Variants in STK31 observed in about 807,000 individuals in gnomAD.
The protein encoded by STK31 is serine/threonine-protein kinase 31.
Under a neutral mutation model 129.7 loss-of-function variants are expected in STK31, and 89 were observed. The ratio of observed to expected loss-of-function variants is 0.69; its 90% CI spans 0.58 to 0.82. The LOEUF is 0.82. STK31 is among the 40% of genes least tolerant of loss of function. The probability of loss-of-function intolerance (pLI) is 0.00; values close to 1 mark genes in which losing one functional copy is unlikely to be tolerated. For missense variants in STK31, 1,187 were observed against 1,176.4 expected (o/e 1.01, Z -0.13); for synonymous variants, 448 against 395.3 (o/e 1.13, Z -1.58).
In STK31 at chr7:23,787,913, G is replaced by C. The variant is rs985406374; in HGVS notation, c.2488-67G>C. 8.5e-6 allele frequency: 12 copies of C among 1,411,232 alleles called. No individual in the cohort carries two copies. In the African/African-American group the frequency reaches 1.7e-4, roughly 21 times the overall value. 87.4% of individuals were successfully genotyped at this position (1,411,232 alleles called of 1,614,324 possible). On this transcript the variant is annotated intron_variant, in intron 20 of 23. Coordinates refer to ENST00000355870, the MANE Select transcript of STK31 (RefSeq NM_031414.5). ...CACTTCTAGAGCAGTCTTTTAATTA[G>C]AGAACAGTTTCAAGATTAAAATGAT...
chr7:23,807,220 A>G (rs1446825920), intron 22 of STK31, among the ~76,000 whole-genome samples: 1 of 151,898 alleles, frequency 6.6e-6, no homozygotes, highest in Non-Finnish European at 1.5e-5. Flanking sequence ...TCTTTTGGCC[A>G]TTCTTTCAAG....
chr7:23,736,831 G>C (rs1787746786), intron 7 of STK31, 73 bp from the exon 8 acceptor site: 2 of 1,282,592 alleles, frequency 1.6e-6, no homozygotes, highest in Non-Finnish European at 2.1e-6. Context: ...AAAGGACCAA[G>C]ATAACTTAGA....
At chr7:23,780,835 A>G (rs1241389322) in intron 15 of STK31, among the ~76,000 whole-genome samples, 1 of 152,144 alleles carries the variant, frequency 6.6e-6, no homozygotes, top group African/African-American at 2.4e-5. Flanking sequence ...CAGGGTTTTT[A>G]TGGTTGTAGC....
Position 23,752,845 on chromosome 7 carries a change from A to G in STK31, c.1133+13A>G, listed in dbSNP as rs776632997. On this transcript the variant is annotated intron_variant, in intron 9 of 23. Transcript: ENST00000355870. Reference sequence around the variant, plus strand: ...TGAAAGAAATGAGGTAGGTAAAAGCATATTTTTCAGAAGGATATTTTAAAC... The same window carrying G: ...TGAAAGAAATGAGGTAGGTAAAAGCGTATTTTTCAGAAGGATATTTTAAAC... 4 of 1,521,172 alleles carry G rather than the reference A, an allele frequency of 2.6e-6. No homozygotes were observed. The highest frequency in any genetic ancestry group is 3.6e-6 in the Non-Finnish European group (4 of 1,102,908). 94.2% of individuals were successfully genotyped at this position (1,521,172 alleles called of 1,614,324 possible). A position where few individuals can be genotyped will look rare whatever the true frequency, so the allele number is the denominator to read the frequency against.
rs540820711 is a variant in STK31 at position 23,798,439 on chromosome 7, G to T, written c.2760+7493G>T. Reference sequence around the variant, plus strand: ...GCTTCATCCCTGGGATGCAAGGCTGGTTCAACATATGCAAATCAGTAAACA... The same window carrying T: ...GCTTCATCCCTGGGATGCAAGGCTGTTTCAACATATGCAAATCAGTAAACA... On this transcript the variant is annotated intron_variant, in intron 22 of 23. Coordinates refer to ENST00000355870, the MANE Select transcript of STK31 (RefSeq NM_031414.5). 7.3e-5 allele frequency among the ~76,000 whole-genome samples: 9 copies of T among 123,504 alleles called. No individual in the cohort carries two copies. The South Asian group carries it at 2.6e-3, about 35-fold the overall frequency. 81.0% of individuals were successfully genotyped at this position (123,504 alleles called of 152,430 possible).
At chr7:23,723,135 C>T (rs895398349) in intron 4 of STK31, among the ~76,000 whole-genome samples, 1 of 152,246 alleles carries the variant, frequency 6.6e-6, no homozygotes, top group South Asian at 2.1e-4. Flanking sequence ...AGAAATCACC[C>T]GTCTTCTGCG....
chr7:23,785,259 A>G (rs528077716), intron 17 of STK31, among the ~76,000 whole-genome samples: 1 of 152,250 alleles, frequency 6.6e-6, no homozygotes, highest in East Asian at 1.9e-4. Flanking sequence ...CTAAAATTAT[A>G]GCAGTAATTA....
chr7:23,800,038 C>T (rs1792268242), intron 22 of STK31, among the ~76,000 whole-genome samples: 1 of 152,116 alleles, frequency 6.6e-6, no homozygotes. Flanking sequence ...GATGAGATAC[C>T]ATCTCATGCC....
chr7:23,755,420 A>G (rs1789008096), intron 10 of STK31, among the ~76,000 whole-genome samples: 1 of 152,152 alleles, frequency 6.6e-6, no homozygotes, highest in Non-Finnish European at 1.5e-5. Context: ...GTAGATTGCA[A>G]AAATTTTCTT....
intron 6 of STK31, among the ~76,000 whole-genome samples, chr7:23,730,878 A>ATATATATTTTTTTTTTTTT: frequency 5.0e-5 from 3 of 59,540 alleles, no homozygotes; most frequent in Non-Finnish European, 9.8e-5. Context: ...ATATATATAT[A>ATATATATTTTTTTTTTTTT]TTTTTTTTTT....
intron 5 of STK31, among the ~76,000 whole-genome samples, chr7:23,728,140 G>A (rs1787203408): frequency 7.0e-6 from 1 of 143,078 alleles, no homozygotes. Context: ...GAGGATTTAG[G>A]GAGACAGAAT....
intron 16 of STK31, among the ~76,000 whole-genome samples, chr7:23,782,381 A>G (rs1287061526): frequency 6.8e-6 from 1 of 146,508 alleles, no homozygotes; most frequent in African/African-American, 2.5e-5. Flanking sequence ...CTGAGGCAGG[A>G]GGATTGCTTG....
intron 22 of STK31, among the ~76,000 whole-genome samples, chr7:23,791,157 C>T (rs1791591142): frequency 6.6e-6 from 1 of 152,118 alleles, no homozygotes; most frequent in African/African-American, 2.4e-5. Context: ...ATGCTATTGT[C>T]TTGGTTCTGT....
rs3034048 is a variant in STK31, at chr7:23,830,592, TTG to T, written c.2830-1508_2830-1507del. 4.4e-3 allele frequency among the ~76,000 whole-genome samples: 620 copies of T among 142,148 alleles called. 10 individuals carry two copies. In the South Asian group the frequency reaches 0.051, roughly 12 times the overall value. 93.3% of individuals were successfully genotyped at this position (142,148 alleles called of 152,430 possible). On this transcript the variant is annotated intron_variant, in intron 23 of 23. Coordinates refer to ENST00000355870, the MANE Select transcript of STK31 (RefSeq NM_031414.5). The stretch of plus-strand genomic sequence containing the variant: ...AGCAGCACGTTGTTTAATTTCCATG[TTG>T]TGTGTGTGTGTGTGTGTGTGTGTGT...
Position 23,746,221 on chromosome 7 carries a change from G to A in STK31, c.1018-6496G>A, listed in dbSNP as rs537228688. On this transcript the variant is annotated intron_variant, in intron 8 of 23. Transcript: ENST00000355870. ...TCCCTGTATGGAGCAATATACTTGT[G>A]TAGTCTCTGGGCAGCTCTCTGTGTC... Among the ~76,000 whole-genome samples the A allele has an allele frequency of 2.6e-5, 4 of 152,324 alleles. No individual in the cohort carries two copies. In the East Asian group the frequency reaches 7.7e-4, roughly 29 times the overall value.
intron 23 of STK31, among the ~76,000 whole-genome samples, chr7:23,823,960 T>G (rs1793946818): frequency 6.6e-6 from 1 of 152,212 alleles, no homozygotes; most frequent in African/African-American, 2.4e-5. Flanking sequence ...GGTCTATGTC[T>G]CTGTTTTGGT....
In STK31 at chr7:23,712,097, A is replaced by G. The variant is rs766504119; in HGVS notation, c.51-2A>G. ...GTAATCTAATTTAAGGTATTGTTCT[A>G]GTTTTTCAGGAATTGTTCAAATGGA... On this transcript the variant is annotated splice_acceptor_variant, in intron 1 of 23. Coordinates refer to ENST00000355870, the MANE Select transcript of STK31 (RefSeq NM_031414.5). LOFTEE classifies it high-confidence loss of function. 8 of 1,604,190 alleles carry G rather than the reference A, an allele frequency of 5.0e-6. No homozygotes were observed. Among genetic ancestry groups the G allele is most frequent in the African/African-American group, 1.3e-5 (1 of 74,708 alleles).
chr7:23,713,873 T>A (rs570607019), intron 3 of STK31, among the ~76,000 whole-genome samples: 11 of 152,036 alleles, frequency 7.2e-5, no homozygotes, highest in African/African-American at 1.7e-4. Flanking sequence ...TAAAAAAAAA[T>A]ATATATATAC....
At chr7:23,727,681 G>C (rs1480277626) in intron 5 of STK31, 1 of 178,562 alleles carries the variant, frequency 5.6e-6, no homozygotes, top group East Asian at 1.8e-4. Flanking sequence ...TCCTGCCTCA[G>C]CCTCCCAAGT....
Sources: gnomAD v4.1 joint callset for allele counts (sites outside exome capture counted in the v4.1 genomes callset) on GRCh38, gnomAD v4.1.1 for gene constraint, MANE v1.5 for transcripts, NCBI Gene and HGNC (gene_info 2026-07-23, HGNC 2026-07-21) for gene names.